IMMP2L: variants seen among roughly 807,000 people sequenced by gnomAD.
IMMP2L encodes the protein mitochondrial inner membrane protease subunit 2.
Under a neutral mutation model 19.3 loss-of-function variants are expected in IMMP2L, and 18 were observed. The ratio of observed to expected loss-of-function variants is 0.93; its 90% CI spans 0.64 to 1.38. The LOEUF is 1.38. Ranked by LOEUF, IMMP2L falls within the 40% of genes most tolerant of loss-of-function variation. The pLI is 0.00. For missense variants in IMMP2L, 233 were observed against 218.2 expected (o/e 1.07, Z -0.43); for synonymous variants, 76 against 73.0 (o/e 1.04, Z -0.21).
At position 110,870,998 on chromosome 7, in the gene IMMP2L, G is replaced by A. The variant is rs1296049839; in HGVS notation, c.408+15595C>T. On this transcript the variant is annotated intron_variant, in intron 5 of 5. Transcript: ENST00000405709. This position sits in a 1 kb window ranked among gnomAD's most constrained non-coding sequence, Gnocchi z 4.2. ...AGGAGGCCCCTGATGACCTGAATCA[G>A]TGAGGCAGCAGTAGAGATGGAATAA... 6.6e-6 allele frequency among the ~76,000 whole-genome samples: 1 copy of A among 152,052 alleles called. No homozygotes were observed. Among genetic ancestry groups the A allele is most frequent in the Non-Finnish European group, 1.5e-5 (1 of 68,008 alleles).
chr7:111,091,253 G>C (rs985446732), intron 3 of IMMP2L: 1 of 152,178 alleles, frequency 6.6e-6, no homozygotes, highest in Non-Finnish European at 1.5e-5. Context: ...CTGAGAAAAA[G>C]AGTTCCAGGA....
intron 4 of IMMP2L, among the ~76,000 whole-genome samples, chr7:110,909,432 T>G (rs1376605446): frequency 6.6e-6 from 1 of 152,150 alleles, no homozygotes; most frequent in Non-Finnish European, 1.5e-5. Flanking sequence ...CAATGTAGCA[T>G]GGCAGGGTGT....
At chr7:111,089,117 A>T (rs906757982) in intron 3 of IMMP2L, among the ~76,000 whole-genome samples, 1 of 152,188 alleles carries the variant, frequency 6.6e-6, no homozygotes, top group Non-Finnish European at 1.5e-5. Flanking sequence ...ACAACTTCCT[A>T]TGAAATAATG....
At chr7:110,736,060 T>G (rs1175509541) in intron 5 of IMMP2L, among the ~76,000 whole-genome samples, 1 of 151,968 alleles carries the variant, frequency 6.6e-6, no homozygotes, top group African/African-American at 2.4e-5. Flanking sequence ...CTCCCAAAAT[T>G]CAGGTGCGGT....
At chr7:111,104,602 T>C (rs769972573) in intron 3 of IMMP2L, among the ~76,000 whole-genome samples, 53 of 151,768 alleles carry the variant, frequency 3.5e-4, no homozygotes, top group Non-Finnish European at 6.9e-4. Flanking sequence ...AAAAGTCTCA[T>C]CATTAATCCC....
At chr7:110,832,073 C>G (rs912540638) in intron 5 of IMMP2L, among the ~76,000 whole-genome samples, 1 of 152,150 alleles carries the variant, frequency 6.6e-6, no homozygotes, top group Non-Finnish European at 1.5e-5. Context: ...ACTACCCTGG[C>G]CAACGTGGTG....
chr7:111,493,368 C>G (rs1843271190), intron 2 of IMMP2L, among the ~76,000 whole-genome samples: 1 of 152,098 alleles, frequency 6.6e-6, no homozygotes, highest in African/African-American at 2.4e-5. Context: ...ATAAGAACCA[C>G]AGTTTTCTGT....
chr7:111,239,231 C>T (rs1174627593), intron 3 of IMMP2L, among the ~76,000 whole-genome samples: 1 of 151,882 alleles, frequency 6.6e-6, no homozygotes, highest in African/African-American at 2.4e-5. Context: ...TACTACTTTA[C>T]TTTCCCTGAA....
chr7:110,785,829 A>G (rs745910764), intron 5 of IMMP2L, among the ~76,000 whole-genome samples: 1 of 151,978 alleles, frequency 6.6e-6, no homozygotes, highest in Non-Finnish European at 1.5e-5. Flanking sequence ...AGAAACTATG[A>G]TCTATAACAC....
chr7:111,330,335 G>A (rs939256629), intron 3 of IMMP2L, among the ~76,000 whole-genome samples: 5 of 151,754 alleles, frequency 3.3e-5, no homozygotes, highest in Non-Finnish European at 5.9e-5. Context: ...CAAAGAGAAA[G>A]TGGCTGAAAT....
At chr7:111,230,308 G>A (rs1813577036) in intron 3 of IMMP2L, among the ~76,000 whole-genome samples, 1 of 151,916 alleles carries the variant, frequency 6.6e-6, no homozygotes, top group South Asian at 2.1e-4. Context: ...CACTTCACAA[G>A]TATTTACTGA....
chr7:110,761,915 C>G (rs1025569278), intron 5 of IMMP2L, among the ~76,000 whole-genome samples: 4 of 152,002 alleles, frequency 2.6e-5, no homozygotes, highest in African/African-American at 7.2e-5. Flanking sequence ...CTGTTTGTAC[C>G]AAAGCTAAAC....
intron 3 of IMMP2L, among the ~76,000 whole-genome samples, chr7:111,256,431 CAT>C (rs1490031171): frequency 6.6e-6 from 1 of 151,990 alleles, no homozygotes; most frequent in Non-Finnish European, 1.5e-5. Flanking sequence ...TAAGATAATA[CAT>C]GTCATTTTCT....
chr7:111,070,031 A>G (rs1794819948), intron 3 of IMMP2L, among the ~76,000 whole-genome samples: 1 of 152,218 alleles, frequency 6.6e-6, no homozygotes, highest in Non-Finnish European at 1.5e-5. Flanking sequence ...AATATTATCC[A>G]GAACCTCACA....
At chr7:111,293,573 T>C (rs550109195) in intron 3 of IMMP2L, among the ~76,000 whole-genome samples, 42 of 152,048 alleles carry the variant, frequency 2.8e-4, no homozygotes, top group African/African-American at 8.4e-4. Context: ...AAATTGCTGA[T>C]TGACAAGGAT....
At chr7:110,964,199 C>G (rs147213899) in intron 3 of IMMP2L, among the ~76,000 whole-genome samples, 5 of 152,124 alleles carry the variant, frequency 3.3e-5, no homozygotes, top group African/African-American at 1.2e-4. Context: ...TATAAACTAT[C>G]CAGTCTCAGG....
At chr7:111,446,011 C>A (rs1157310627) in intron 3 of IMMP2L, among the ~76,000 whole-genome samples, 13 of 151,460 alleles carry the variant, frequency 8.6e-5, no homozygotes, top group Admixed American at 8.5e-4. Context: ...GCTTAAGAAA[C>A]GGCGCACCAC....
At chr7:110,769,882 T>A (rs1185300558) in intron 5 of IMMP2L, among the ~76,000 whole-genome samples, 2 of 152,168 alleles carry the variant, frequency 1.3e-5, no homozygotes, top group Admixed American at 6.6e-5. Context: ...ATCTGAATCT[T>A]GGAACAAATA....
intron 3 of IMMP2L, among the ~76,000 whole-genome samples, chr7:111,371,263 T>C (rs898234847): frequency 6.6e-6 from 1 of 151,986 alleles, no homozygotes; most frequent in African/African-American, 2.4e-5. Flanking sequence ...TGGTGATGTC[T>C]TCTTCATGGC....
Sources: allele counts gnomAD v4.1 joint callset (sites outside exome capture counted in the v4.1 genomes callset), GRCh38; gene constraint gnomAD v4.1.1; non-coding constraint Gnocchi (gnomAD v3.1); transcripts MANE v1.5; gene names NCBI Gene and HGNC (gene_info 2026-07-23, HGNC 2026-07-21).